Variants in UBE3D observed in about 807,000 individuals in gnomAD.
UBE3D encodes ubiquitin protein ligase E3D.
A neutral mutation model predicts 49.6 loss-of-function variants in UBE3D; 48 were observed. The observed-to-expected ratio is 0.97, with a 90% CI of 0.77 to 1.23. The LOEUF (loss-of-function observed/expected upper bound fraction) is 1.23, where lower values mean the gene tolerates loss of function less well. Among genes scored for constraint, UBE3D ranks in the 50% most tolerant of loss-of-function variants. The pLI is 0.00. For missense variants in UBE3D, 452 were observed against 468.4 expected (o/e 0.96, Z 0.32); for synonymous variants, 189 against 174.2 (o/e 1.08, Z -0.67).
intron 7 of UBE3D, among the ~76,000 whole-genome samples, chr6:83,020,095 T>C (rs1780980398): frequency 6.6e-6 from 1 of 152,206 alleles, no homozygotes; most frequent in African/African-American, 2.4e-5. Context: ...ACAACTTTTT[T>C]GCAAGGTGAT....
At chr6:82,930,038 T>C (rs1279955683) in intron 9 of UBE3D, among the ~76,000 whole-genome samples, 2 of 152,196 alleles carry the variant, frequency 1.3e-5, no homozygotes, top group East Asian at 1.9e-4. Context: ...CCATGTATCA[T>C]AGGAGGCACC....
At chr6:82,978,566 CA>C (rs928662491) in intron 8 of UBE3D, among the ~76,000 whole-genome samples, 12 of 151,858 alleles carry the variant, frequency 7.9e-5, no homozygotes, top group Admixed American at 7.2e-4. Context: ...GAGTTTGAAA[CA>C]AAAAAAATGT....
At chr6:82,886,576 G>C in the UBE3D span, among the ~76,000 whole-genome samples, 68 of 152,302 alleles carry the variant, frequency 4.5e-4, no homozygotes, top group African/African-American at 1.5e-3. Context: ...GTAAACACAA[G>C]CATTGAAACT....
At chr6:83,027,166 A>G (rs922692104) in intron 5 of UBE3D, among the ~76,000 whole-genome samples, 2 of 152,036 alleles carry the variant, frequency 1.3e-5, no homozygotes, top group East Asian at 3.9e-4. Flanking sequence ...GGCTGGGCGC[A>G]GTGGCTCACG....
At chr6:83,013,284 G>C (rs2153091) in intron 8 of UBE3D, among the ~76,000 whole-genome samples, 98,740 of 152,030 alleles carry the variant, frequency 0.65, 32,980 homozygotes, top group East Asian at 0.78. Context: ...GCTAAGACCT[G>C]TTTCTCAAAA....
intron 9 of UBE3D, among the ~76,000 whole-genome samples, chr6:82,903,273 C>T (rs1457815280): frequency 6.6e-6 from 1 of 152,100 alleles, no homozygotes; most frequent in Non-Finnish European, 1.5e-5. Flanking sequence ...GGGTGAGTCA[C>T]CATGCCCAGC....
intron 8 of UBE3D, among the ~76,000 whole-genome samples, chr6:82,976,379 C>T (rs1402162668): frequency 2.6e-5 from 4 of 152,196 alleles, no homozygotes; most frequent in Non-Finnish European, 4.4e-5. Context: ...CTATTCCTGA[C>T]AGTGGCTAGC....
chr6:83,052,367 G>A (rs890605636), intron 3 of UBE3D, among the ~76,000 whole-genome samples: 23 of 152,140 alleles, frequency 1.5e-4, no homozygotes, highest in African/African-American at 5.6e-4. Flanking sequence ...TCTGCACTCC[G>A]AGAGCCTACA....
intron 8 of UBE3D, among the ~76,000 whole-genome samples, chr6:83,011,063 G>A (rs187161589): frequency 7.6e-4 from 116 of 152,054 alleles, no homozygotes; most frequent in Admixed American, 2.3e-3. Context: ...TCATAATTAC[G>A]CCTAACATAA....
intron 9 of UBE3D, 102 bp downstream of exon 9, chr6:82,957,210 T>G: frequency 8.3e-7 from 1 of 1,200,958 alleles, no homozygotes; most frequent in Non-Finnish European, 1.2e-6. Context: ...GATTTGAAAC[T>G]AGGGAATTCC....
At chr6:82,901,114 T>G (rs1252887740) in intron 9 of UBE3D, among the ~76,000 whole-genome samples, 1 of 152,178 alleles carries the variant, frequency 6.6e-6, no homozygotes, top group East Asian at 1.9e-4. Flanking sequence ...TATTTCTAGA[T>G]TTCTACTTTT....
At chr6:82,916,472 T>C (rs866250760) in intron 9 of UBE3D, among the ~76,000 whole-genome samples, 13 of 152,168 alleles carry the variant, frequency 8.5e-5, no homozygotes, top group Middle Eastern at 3.4e-3. Flanking sequence ...TTTCCAGAGG[T>C]TCACACTGAA....
intron 4 of UBE3D, among the ~76,000 whole-genome samples, chr6:83,043,829 C>A (rs1300397268): frequency 6.6e-6 from 1 of 152,186 alleles, no homozygotes; most frequent in Non-Finnish European, 1.5e-5. Context: ...AAGTAAAACA[C>A]TTGTTCTCTG....
At chr6:82,999,678 C>G (rs1463402375) in intron 8 of UBE3D, among the ~76,000 whole-genome samples, 5 of 152,168 alleles carry the variant, frequency 3.3e-5, no homozygotes, top group Admixed American at 3.3e-4. Context: ...AGCCACTGCA[C>G]CCAGCCCCCT....
At chr6:82,946,879 A>T (rs1302051602) in intron 9 of UBE3D, among the ~76,000 whole-genome samples, 6 of 151,906 alleles carry the variant, frequency 3.9e-5, no homozygotes, top group Non-Finnish European at 8.8e-5. Flanking sequence ...AGTTTTTGCA[A>T]ACCTCATGTT....
chr6:83,032,257 G>C, intron 5 of UBE3D: 1 of 455,808 alleles, frequency 2.2e-6, no homozygotes, highest in African/African-American at 2.0e-5. Context: ...AAAACCACAG[G>C]AACAGAGCTG....
chr6:82,991,297 G>A (rs566503992), intron 8 of UBE3D, among the ~76,000 whole-genome samples: 1 of 152,242 alleles, frequency 6.6e-6, no homozygotes, highest in East Asian at 1.9e-4. Flanking sequence ...GAACATGAAA[G>A]AATTTTTAAA....
intron 5 of UBE3D, among the ~76,000 whole-genome samples, chr6:83,033,123 G>A (rs909100529): frequency 5.3e-5 from 8 of 152,098 alleles, no homozygotes; most frequent in African/African-American, 1.9e-4. Context: ...GGCAGGCAAA[G>A]AAGGAGCAAG....
intron 9 of UBE3D, among the ~76,000 whole-genome samples, chr6:82,941,657 T>A (rs1007573863): frequency 6.6e-6 from 1 of 152,140 alleles, no homozygotes; most frequent in Non-Finnish European, 1.5e-5. Context: ...TCCCCATGCA[T>A]CAGGGGCAGG....
Sources: allele counts gnomAD v4.1 joint callset (sites outside exome capture counted in the v4.1 genomes callset), GRCh38; gene constraint gnomAD v4.1.1; transcripts MANE v1.5; gene names NCBI Gene and HGNC (gene_info 2026-07-23, HGNC 2026-07-21).